C1QTNF12: variants seen among roughly 807,000 people sequenced by gnomAD.
C1QTNF12 encodes adipolin.
C1QTNF12 carries 39 observed loss-of-function variants against 34.3 expected under a neutral mutation model. The ratio of observed to expected loss-of-function variants is 1.14; its 90% confidence interval spans 0.88 to 1.49. The LOEUF (loss-of-function observed/expected upper bound fraction) is 1.49. C1QTNF12 is among the 40% of genes most tolerant of loss of function. C1QTNF12 has a pLI of 0.00. For synonymous variants in C1QTNF12, 220 were observed against 196.9 expected (o/e 1.12, Z -0.98); for missense variants, 497 against 424.7 (o/e 1.17, Z -1.50).
chr1:1,242,761 G>A, intron 7 of C1QTNF12, 74 bp downstream of exon 7: 2 of 1,575,724 alleles, frequency 1.3e-6, no homozygotes, highest in Non-Finnish European at 1.7e-6. Flanking sequence ...TCTGCGCCCT[G>A]AGTGCACCGA....
At chr1:1,246,808 G>T, upstream of C1QTNF12, 1 of 710,534 alleles carries the variant, frequency 1.4e-6, no homozygotes, top group Non-Finnish European at 1.9e-6. The surrounding 1 kb of genome is among the most constrained non-coding windows in gnomAD (Gnocchi z 4.5). Context: ...CCCGGCCTCC[G>T]CCGCTGCATG....
At position 1,243,675 on chromosome 1, in the gene C1QTNF12, G is replaced by C. The variant is rs1008127790; in HGVS notation, c.532-123C>G. The C allele has an allele frequency of 3.5e-6, 3 of 868,168 alleles. No individual in the cohort carries two copies. In the East Asian group the frequency reaches 8.0e-5, roughly 23 times the overall value. The allele number at this position is 868,168 out of a possible 1,614,324, so 53.8% of individuals were successfully genotyped here. On this transcript the variant is annotated intron_variant, in intron 4 of 7. Transcript: ENST00000330388. ...GGAGCAGCTCTCCCGGGACCCTCAC[G>C]CTCACTGTGGGCACCAGCAGGACTG...
In C1QTNF12 at chr1:1,243,943, G is replaced by C. The variant is rs1274425521; in HGVS notation, c.531+11C>G. On this transcript the variant is annotated intron_variant, in intron 4 of 7. Coordinates refer to ENST00000330388, the MANE Select transcript of C1QTNF12 (RefSeq NM_001014980.3). ...CCCAACACCCCGCTCTAAGCTCCCG[G>C]CTCCACTCACAGCCTGGAAACCATG... 6.2e-7 allele frequency: 1 copy of C among 1,604,502 alleles called. No homozygotes were observed. The highest frequency in any genetic ancestry group is 1.3e-5 in the African/African-American group (1 of 74,648).
chr1:1,243,873 A>T, intron 4 of C1QTNF12, 81 bp downstream of exon 4: 5 of 1,256,486 alleles, frequency 4.0e-6, no homozygotes, highest in Non-Finnish European at 4.4e-6. Flanking sequence ...CTGCCCCATG[A>T]GTGTCAGGCG....
At position 1,244,441 on chromosome 1, in the gene C1QTNF12, A is replaced by G; in HGVS notation, c.234T>C (p.Phe78=). The G allele has an allele frequency of 1.2e-6, 2 of 1,611,930 alleles. No homozygotes were observed. The highest frequency in any genetic ancestry group is 1.3e-5 in the African/African-American group (1 of 74,966). Residue 78 remains phenylalanine, a synonymous_variant, in exon 2 of 8, where the codon TTT becomes TTC. Coordinates refer to ENST00000330388, the MANE Select transcript of C1QTNF12 (RefSeq NM_001014980.3). ...FSDAHMTWLN[F]VRRPDDGALR... ...AGGCGCCGTCGTCCGGCCGCCGGAC[A>G]AAGTTCAGCCATGTCATGTGGGCGT... is the stretch of plus-strand genomic sequence containing the variant.
At position 1,243,135 on chromosome 1, in the gene C1QTNF12, C is replaced by T. The variant is rs1365924907; in HGVS notation, c.658G>A (p.Gly220Ser). 4 of 1,579,570 alleles carry T rather than the reference C, an allele frequency of 2.5e-6. No homozygotes were observed. The highest frequency in any genetic ancestry group is 3.4e-6 in the Non-Finnish European group (4 of 1,163,968). Residue 220 changes from glycine to serine, a missense_variant, in exon 6 of 8, where the codon GGC becomes AGC. Coordinates refer to ENST00000330388, the MANE Select transcript of C1QTNF12 (RefSeq NM_001014980.3). The stretch of plus-strand genomic sequence containing the variant: ...TCCCGGGCCCGCAGCCGGGCCTTGC[C>T]CTGCAGCTCACTGTGGTCTGCGGAG... The part of the protein sequence containing the change: ...SLHVDHSELQ[G>S]KARLRARDVV...
chr1:1,245,843 G>A (rs965867569), intron 1 of C1QTNF12, among the ~76,000 whole-genome samples: 13 of 152,200 alleles, frequency 8.5e-5, no homozygotes, highest in Admixed American at 2.6e-4. Flanking sequence ...GATGGGGGCT[G>A]CTCTGGCAAC....
At position 1,242,619 on chromosome 1, in the gene C1QTNF12, C is replaced by T. The variant is rs767542685; in HGVS notation, c.838G>A (p.Asp280Asn). Residue 280 changes from aspartate (D) to asparagine (N), a missense_variant, in exon 8 of 8, where the codon GAC (aspartate) becomes AAC (asparagine). Asp to Asn is a conservative substitution (Grantham distance 23). Transcript: ENST00000330388. Reference protein sequence around the residue: ...QAGQYASVFVDNGSGAVLTIQ... With the variant: ...QAGQYASVFVNNGSGAVLTIQ... ...GTGAGGACGGCCCCGGAGCCATTGT[C>T]CACAAACACAGAAGCGTACTGTCCA... 1.3e-6 allele frequency: 2 copies of T among 1,595,894 alleles called. No homozygotes were observed. Among genetic ancestry groups the T allele is most frequent in the Non-Finnish European group, 1.7e-6 (2 of 1,171,840 alleles).
chr1:1,244,188 G>T lies in C1QTNF12; in HGVS notation c.379+3C>A, dbSNP rs1452228790. ...GGTCTCTGGGCAGTGCAGGGCGGCT[G>T]ACCTTTCAGCAGCTCCTGAAACTCG... On this transcript the variant is annotated splice_donor_region_variant and intron_variant, in intron 3 of 7. Coordinates refer to ENST00000330388, the MANE Select transcript of C1QTNF12 (RefSeq NM_001014980.3). The T allele has an allele frequency of 1.3e-6, 2 of 1,581,566 alleles. 1 individual carries two copies. Among genetic ancestry groups the T allele is most frequent in the South Asian group, 2.3e-5 (2 of 85,774 alleles).
rs1638901996 is a variant in C1QTNF12 at position 1,246,691 on chromosome 1, G to A, written c.-1C>T. ...CCGCGGCCCAGGCCCAGCGCCGCAT[G>A]GCTCCGTCCCGAGGCGGCTCAGCGC... On this transcript the variant is annotated 5_prime_UTR_variant, in exon 1 of 8. Transcript: ENST00000330388. The surrounding 1 kb of genome is among the most constrained non-coding windows in gnomAD (Gnocchi z 4.5). 8 of 1,222,466 alleles carry A rather than the reference G, an allele frequency of 6.5e-6. No homozygotes were observed. Among genetic ancestry groups the A allele is most frequent in the Non-Finnish European group, 8.1e-6 (8 of 982,040 alleles). The allele number at this position is 1,222,466 out of a possible 1,614,324, so 75.7% of individuals were successfully genotyped here.
In C1QTNF12 at chr1:1,246,646, C is replaced by T. The variant is rs2101011840; in HGVS notation, c.45G>A (p.Pro15=). The part of the protein sequence containing the change: ...AWAAVVVLLG[P]QLVLLGGVGA... ...CGACGCCCCCGAGGAGCACGAGCTG[C>T]GGCCCGAGGAGGACCACGACCGCGG... The change falls in exon 1 of 8, where the codon CCG becomes CCA. Residue 15 remains proline, a synonymous_variant. Transcript: ENST00000330388. This position sits in a 1 kb window ranked among gnomAD's most constrained non-coding sequence, Gnocchi z 4.5. 1.6e-6 allele frequency: 2 copies of T among 1,234,408 alleles called. No individual in the cohort carries two copies. Among genetic ancestry groups the T allele is most frequent in the East Asian group, 3.2e-5 (1 of 31,480 alleles). The allele number at this position is 1,234,408 out of a possible 1,614,324, so 76.5% of individuals were successfully genotyped here.
rs1349004443 is a variant in C1QTNF12, at chr1:1,243,949, C to T, written c.531+5G>A. The T allele has an allele frequency of 3.7e-6, 6 of 1,606,718 alleles. No individual in the cohort carries two copies. The Admixed American group carries it at 5.0e-5, about 13-fold the overall frequency. ...ACCCCGCTCTAAGCTCCCGGCTCCA[C>T]TCACAGCCTGGAAACCATGCAGCTC... On this transcript the variant is annotated splice_donor_5th_base_variant and intron_variant, in intron 4 of 7. Transcript: ENST00000330388.
intron 6 of C1QTNF12, 64 bp from the exon 7 acceptor site, chr1:1,242,977 A>T: frequency 1.3e-6 from 2 of 1,571,072 alleles, no homozygotes; most frequent in Non-Finnish European, 1.7e-6. Flanking sequence ...GACCTGCTCC[A>T]GTGCCCAGAG....
chr1:1,242,569 G>A lies in C1QTNF12; in HGVS notation c.888C>T (p.Ser296=), dbSNP rs567707001. The part of the protein sequence containing the change: ...VLTIQAGSSF[S]GLLLGT Reference sequence around the variant, plus strand: ...GCCCTCACGTGCCCAGGAGCAGCCCGGAGAAGCTGGAGCCCGCCTGGATGG... The same window carrying A: ...GCCCTCACGTGCCCAGGAGCAGCCCAGAGAAGCTGGAGCCCGCCTGGATGG... Residue 296 remains serine, a synonymous_variant, in exon 8 of 8, where the codon TCC becomes TCT. Coordinates refer to ENST00000330388, the MANE Select transcript of C1QTNF12 (RefSeq NM_001014980.3). 2.0e-5 allele frequency: 31 copies of A among 1,578,738 alleles called. No individual in the cohort carries two copies. In the East Asian group the frequency reaches 3.5e-4, roughly 18 times the overall value.
In C1QTNF12 at chr1:1,246,647, G is replaced by C. The variant is rs1224671381; in HGVS notation, c.44C>G (p.Pro15Arg). 1 of 1,233,404 alleles carries C rather than the reference G, an allele frequency of 8.1e-7. No individual in the cohort carries two copies. The allele number at this position is 1,233,404 out of a possible 1,614,324, so 76.4% of individuals were successfully genotyped here. A position where few individuals can be genotyped will look rare whatever the true frequency, so the allele number is the denominator to read the frequency against. The change falls in exon 1 of 8, where the codon CCG becomes CGG. Residue 15 changes from proline to arginine, a missense_variant. Transcript: ENST00000330388. This position sits in a 1 kb window ranked among gnomAD's most constrained non-coding sequence, Gnocchi z 4.5. Reference sequence around the variant, plus strand: ...GACGCCCCCGAGGAGCACGAGCTGCGGCCCGAGGAGGACCACGACCGCGGC... The same window carrying C: ...GACGCCCCCGAGGAGCACGAGCTGCCGCCCGAGGAGGACCACGACCGCGGC... ...AWAAVVVLLG[P>R]QLVLLGGVGA...
chr1:1,243,038 G>A, intron 6 of C1QTNF12, 24 bp downstream of exon 6: 1 of 1,565,016 alleles, frequency 6.4e-7, no homozygotes, highest in Non-Finnish European at 8.7e-7. Flanking sequence ...GCTGCCGCCT[G>A]GAGCGGGGGC....
In C1QTNF12 at chr1:1,243,937, C is replaced by CT. The variant is rs1638809113; in HGVS notation, c.531+16dup. On this transcript the variant is annotated intron_variant, in intron 4 of 7. Transcript: ENST00000330388. ...GCCCCACCCAACACCCCGCTCTAAG[C>CT]TCCCGGCTCCACTCACAGCCTGGAA... The CT allele has an allele frequency of 1.2e-6, 2 of 1,601,332 alleles. No individual in the cohort carries two copies. Among genetic ancestry groups the CT allele is most frequent in the South Asian group, 2.2e-5 (2 of 89,256 alleles).
chr1:1,244,086 G>C lies in C1QTNF12; in HGVS notation c.399C>G (p.Phe133Leu). 2 of 1,589,218 alleles carry C rather than the reference G, an allele frequency of 1.3e-6. No homozygotes were observed. Among genetic ancestry groups the C allele is most frequent in the Non-Finnish European group, 1.7e-6 (2 of 1,168,032 alleles). Residue 133 changes from phenylalanine to leucine, a missense_variant, in exon 4 of 8, where the codon TTC (phenylalanine) becomes TTG (leucine). By Grantham distance (22) the Phe-to-Leu change is conservative (BLOSUM62 0). Coordinates refer to ENST00000330388, the MANE Select transcript of C1QTNF12 (RefSeq NM_001014980.3). ...GCAGCAGCGGGTCCAGAAGCCCTGA[G>C]AACCGGCGCTCCGTGGCCTCTGTGG... ...ELLKEATERR[F>L]SGLLDPLLPQ...
At position 1,243,816 on chromosome 1, in the gene C1QTNF12, G is replaced by A. The variant is rs542990385; in HGVS notation, c.531+138C>T. 9.0e-4 allele frequency: 1,106 copies of A among 1,227,340 alleles called. 3 individuals carry two copies. In the Middle Eastern group the frequency reaches 0.013, roughly 15 times the overall value. The allele number at this position is 1,227,340 out of a possible 1,614,324, so 76.0% of individuals were successfully genotyped here. ...CAGGGCCTCCCAACCCTGACCCGAG[G>A]CAGCCCCTCGCCCTCCGAGCCCCGC... On this transcript the variant is annotated intron_variant, in intron 4 of 7. Coordinates refer to ENST00000330388, the MANE Select transcript of C1QTNF12 (RefSeq NM_001014980.3).
Sources: gnomAD v4.1 joint callset for allele counts (sites outside exome capture counted in the v4.1 genomes callset) on GRCh38, gnomAD v4.1.1 for gene constraint, Gnocchi (gnomAD v3.1) non-coding constraint, MANE v1.5 for transcripts, NCBI Gene and HGNC (gene_info 2026-07-23, HGNC 2026-07-21) for gene names.